MAGI2: variants seen among roughly 807,000 people sequenced by gnomAD.
MAGI2 encodes membrane associated guanylate kinase, WW and PDZ domain containing 2.
In MAGI2, 35 loss-of-function variants were observed where a neutral mutation model predicts 133.3. The ratio of observed to expected loss-of-function variants is 0.26; its 90% CI spans 0.20 to 0.35. The LOEUF is 0.35. Among genes scored for constraint, MAGI2 ranks in the 10% least tolerant of loss-of-function variants. MAGI2 has a pLI of 1.00. For synonymous variants in MAGI2, 729 were observed against 710.6 expected, an observed-to-expected ratio of 1.03 and a Z score of -0.41; for missense variants, 1,636 against 1,863.4, an observed-to-expected ratio of 0.88 and a Z score of 2.25.
intron 2 of MAGI2, among the ~76,000 whole-genome samples, chr7:79,003,162 G>A (rs551896769): frequency 1.6e-3 from 241 of 152,114 alleles, no homozygotes; most frequent in African/African-American, 5.4e-3. Flanking sequence ...TCCACAACTA[G>A]ATTGACTGAG....
At chr7:79,059,109 T>A (rs1476693364) in intron 1 of MAGI2, among the ~76,000 whole-genome samples, 1 of 152,084 alleles carries the variant, frequency 6.6e-6, no homozygotes, top group Non-Finnish European at 1.5e-5. Flanking sequence ...CAATTACTTT[T>A]GCACCAATCT....
chr7:78,345,415 C>T (rs529950504), intron 8 of MAGI2: 1 of 152,934 alleles, frequency 6.5e-6, no homozygotes, highest in Admixed American at 6.5e-5. Context: ...CAGGTGTAGT[C>T]AGGTCCCGCA....
intron 1 of MAGI2, among the ~76,000 whole-genome samples, chr7:79,031,800 A>C (rs192994181): frequency 6.6e-6 from 1 of 152,302 alleles, no homozygotes; most frequent in Non-Finnish European, 1.5e-5. Context: ...GTATATGATG[A>C]TTTATGACTT....
chr7:79,020,909 G>C (rs540665462), intron 1 of MAGI2, among the ~76,000 whole-genome samples: 2 of 152,350 alleles, frequency 1.3e-5, no homozygotes, highest in East Asian at 3.9e-4. Flanking sequence ...AGGAAAAATG[G>C]TTTCATTGGC....
intron 6 of MAGI2, among the ~76,000 whole-genome samples, chr7:78,393,195 C>A (rs568206315): frequency 6.6e-6 from 1 of 152,194 alleles, no homozygotes; most frequent in Admixed American, 6.5e-5. Context: ...TTCTCACCTA[C>A]GGAAGTTGAA....
At chr7:78,421,780 G>T (rs1798821951) in intron 6 of MAGI2, among the ~76,000 whole-genome samples, 1 of 152,086 alleles carries the variant, frequency 6.6e-6, no homozygotes, top group African/African-American at 2.4e-5. Context: ...CTCCAGCCTG[G>T]GTGATCAAGT....
At chr7:78,944,328 G>A (rs375662650) in intron 2 of MAGI2, among the ~76,000 whole-genome samples, 12 of 152,146 alleles carry the variant, frequency 7.9e-5, no homozygotes, top group African/African-American at 2.9e-4. Flanking sequence ...CCTTTCAGTG[G>A]CTGCCCCTCA....
chr7:78,819,803 C>T (rs1269389819), intron 2 of MAGI2, among the ~76,000 whole-genome samples: 1 of 151,896 alleles, frequency 6.6e-6, no homozygotes. Context: ...TCTAAAAGAG[C>T]ACATACTGAA....
intron 1 of MAGI2, among the ~76,000 whole-genome samples, chr7:79,154,338 T>G: frequency 6.6e-6 from 1 of 152,342 alleles, no homozygotes; most frequent in African/African-American, 2.4e-5. Flanking sequence ...GGATGACATT[T>G]ACATGTCAAG....
chr7:78,894,211 C>G (rs528432696), intron 2 of MAGI2, among the ~76,000 whole-genome samples: 3 of 152,132 alleles, frequency 2.0e-5, no homozygotes, highest in Admixed American at 2.0e-4. Flanking sequence ...ATGATCCTGG[C>G]TAACATAGTG....
chr7:78,760,355 TTCTC>T (rs1308454575), intron 2 of MAGI2, among the ~76,000 whole-genome samples: 1 of 138,114 alleles, frequency 7.2e-6, no homozygotes, highest in Admixed American at 7.6e-5. Flanking sequence ...TGGACTTTAA[TTCTC>T]TCTTTTTTTT....
intron 20 of MAGI2, among the ~76,000 whole-genome samples, chr7:78,114,521 T>A (rs1227766408): frequency 6.6e-6 from 1 of 152,206 alleles, no homozygotes. Flanking sequence ...GAGCAAGCTA[T>A]GAAGAAGCTC....
At chr7:78,856,913 C>T (rs928905377) in intron 2 of MAGI2, among the ~76,000 whole-genome samples, 26 of 152,108 alleles carry the variant, frequency 1.7e-4, no homozygotes, top group African/African-American at 6.0e-4. Flanking sequence ...TTGTTTGTGT[C>T]CTCTTTTATT....
chr7:79,091,750 G>GTCAAATTTTAA, intron 1 of MAGI2, among the ~76,000 whole-genome samples: 3 of 151,920 alleles, frequency 2.0e-5, no homozygotes, highest in African/African-American at 7.2e-5. Flanking sequence ...AGCAGCCATG[G>GTCAAATTTTAA]ACGATACACA....
chr7:79,014,010 T>G (rs934243408), intron 1 of MAGI2, among the ~76,000 whole-genome samples: 2 of 152,172 alleles, frequency 1.3e-5, no homozygotes, highest in Non-Finnish European at 2.9e-5. Flanking sequence ...GTGCTGTTTC[T>G]TCAAAATCTT....
At chr7:78,931,180 G>A (rs1156277115) in intron 2 of MAGI2, among the ~76,000 whole-genome samples, 3 of 152,142 alleles carry the variant, frequency 2.0e-5, no homozygotes, top group Admixed American at 2.0e-4. Context: ...TGAGTGAAGA[G>A]TGGCAGTCAT....
At chr7:79,156,957 G>A (rs1376805221) in intron 1 of MAGI2, among the ~76,000 whole-genome samples, 1 of 152,028 alleles carries the variant, frequency 6.6e-6, no homozygotes, top group African/African-American at 2.4e-5. Context: ...TTCTCTTCTG[G>A]TAGAACTGCT....
chr7:78,625,587 T>TAC (rs1461832512), intron 3 of MAGI2, among the ~76,000 whole-genome samples: 1 of 152,176 alleles, frequency 6.6e-6, no homozygotes, highest in African/African-American at 2.4e-5. Context: ...TTATAAAGTC[T>TAC]ACAGTAGTAT....
At chr7:78,201,597 G>GT (rs746564579) in intron 10 of MAGI2, among the ~76,000 whole-genome samples, 13 of 152,190 alleles carry the variant, frequency 8.5e-5, no homozygotes, top group Non-Finnish European at 1.6e-4. Context: ...AGAAATGGTT[G>GT]TTTTATTTAC....
Sources: gnomAD v4.1 joint callset for allele counts (sites outside exome capture counted in the v4.1 genomes callset) on GRCh38, gnomAD v4.1.1 for gene constraint, MANE v1.5 for transcripts, NCBI Gene and HGNC (gene_info 2026-07-23, HGNC 2026-07-21) for gene names.